The following FRMD4A variants were observed in gnomAD, a reference collection of about 807,000 sequenced individuals.
FRMD4A encodes FERM domain containing 4A.
In FRMD4A, 29 loss-of-function variants were observed where a neutral mutation model predicts 129.1. That is an observed-to-expected ratio of 0.22 (90% CI 0.17 to 0.31). FRMD4A has a LOEUF of 0.31. FRMD4A is among the 10% of genes least tolerant of loss of function. The pLI, the probability that FRMD4A is intolerant of heterozygous loss-of-function variation, is 1.00. For missense variants in FRMD4A, 1,272 were observed against 1,375.8 expected, an observed-to-expected ratio of 0.92 and a Z score of 1.19; for synonymous variants, 634 against 571.6, an observed-to-expected ratio of 1.11 and a Z score of -1.56.
chr10:13,800,711 C>T (rs12259218), intron 4 of FRMD4A, among the ~76,000 whole-genome samples: 15,262 of 152,172 alleles, frequency 0.1, 914 homozygotes, highest in African/African-American at 0.16. Context: ...GGGGACATGT[C>T]GCATGAAGGG....
intron 2 of FRMD4A, among the ~76,000 whole-genome samples, chr10:14,289,806 G>A (rs1177644600): frequency 6.6e-6 from 1 of 151,980 alleles, no homozygotes; most frequent in Non-Finnish European, 1.5e-5. Flanking sequence ...CAGAGAGGAA[G>A]TAGTTAAATT....
rs754944747 is a variant in FRMD4A at position 14,326,990 on chromosome 10, G to A, written c.45+3068C>T. ...TCATATGAGTGGCTCTGTCCTGTGTGGAGAGGCATCACTGCCCTCTGTGAG... is the reference window on the plus strand; with the variant it reads ...TCATATGAGTGGCTCTGTCCTGTGTAGAGAGGCATCACTGCCCTCTGTGAG... On this transcript the variant is annotated intron_variant, in intron 2 of 24. Coordinates refer to ENST00000357447, the MANE Select transcript of FRMD4A (RefSeq NM_018027.5). The A allele has an allele frequency of 1.3e-5, 5 of 398,664 alleles. No individual in the cohort carries two copies. The East Asian group carries it at 1.4e-4, about 11-fold the overall frequency. 24.7% of individuals were successfully genotyped at this position (398,664 alleles called of 1,614,324 possible).
At chr10:13,984,214 C>A (rs193120521) in intron 2 of FRMD4A, among the ~76,000 whole-genome samples, 4 of 152,200 alleles carry the variant, frequency 2.6e-5, no homozygotes, top group African/African-American at 9.6e-5. Context: ...GCCCACATGG[C>A]GGGGTTTTAT....
At chr10:13,849,988 G>A (rs1357585290) in intron 3 of FRMD4A, among the ~76,000 whole-genome samples, 1 of 151,696 alleles carries the variant, frequency 6.6e-6, no homozygotes, top group Non-Finnish European at 1.5e-5. Context: ...GGCCAACATG[G>A]TGAAATCCCG....
At chr10:13,808,506 GC>G (rs2093395025) in intron 4 of FRMD4A, among the ~76,000 whole-genome samples, 1 of 152,216 alleles carries the variant, frequency 6.6e-6, no homozygotes, top group Non-Finnish European at 1.5e-5. Flanking sequence ...TGCAGGGGCA[GC>G]TTTTGTTCTT....
At chr10:14,294,578 G>C (rs1371482012) in intron 2 of FRMD4A, among the ~76,000 whole-genome samples, 1 of 152,188 alleles carries the variant, frequency 6.6e-6, no homozygotes, top group African/African-American at 2.4e-5. Flanking sequence ...GGACAAATCA[G>C]TGAAATGGAA....
intron 2 of FRMD4A, among the ~76,000 whole-genome samples, chr10:14,104,943 T>G (rs890508043): frequency 1.7e-4 from 26 of 152,170 alleles, no homozygotes; most frequent in Admixed American, 3.9e-4. Context: ...TGGGCAGTGT[T>G]TGAGGGATCC....
chr10:13,856,044 AT>A (rs1331361747), intron 3 of FRMD4A, among the ~76,000 whole-genome samples: 19 of 151,726 alleles, frequency 1.3e-4, no homozygotes, highest in Non-Finnish European at 2.8e-4. Context: ...CTATCTATCT[AT>A]CTATCTATCT....
At chr10:14,292,414 C>T (rs1026371928) in intron 2 of FRMD4A, among the ~76,000 whole-genome samples, 4 of 152,200 alleles carry the variant, frequency 2.6e-5, no homozygotes, top group Admixed American at 1.3e-4. Context: ...ATCAATGATG[C>T]AGAGACATCA....
chr10:13,799,830 G>C (rs1278155202), intron 4 of FRMD4A, among the ~76,000 whole-genome samples: 1 of 152,018 alleles, frequency 6.6e-6, no homozygotes, highest in Non-Finnish European at 1.5e-5. Context: ...AGGGCTTCTG[G>C]TGTGTGTCAT....
At chr10:14,015,830 G>A (rs2095697418) in intron 2 of FRMD4A, among the ~76,000 whole-genome samples, 1 of 152,066 alleles carries the variant, frequency 6.6e-6, no homozygotes, top group Non-Finnish European at 1.5e-5. Flanking sequence ...ATATAATTTA[G>A]TTAGTTCTCA....
chr10:13,688,506 G>A (rs559946489), intron 15 of FRMD4A, among the ~76,000 whole-genome samples: 9 of 151,992 alleles, frequency 5.9e-5, no homozygotes, highest in African/African-American at 1.9e-4. Context: ...TAACAAACCT[G>A]CACCTTGTGC....
At chr10:14,159,088 C>T (rs1004528731) in intron 2 of FRMD4A, among the ~76,000 whole-genome samples, 31 of 152,022 alleles carry the variant, frequency 2.0e-4, no homozygotes, top group African/African-American at 6.3e-4. Flanking sequence ...GGGAGCAGCC[C>T]GAGGAGGATT....
At chr10:14,133,659 G>A (rs1294849115) in intron 2 of FRMD4A, among the ~76,000 whole-genome samples, 1 of 152,224 alleles carries the variant, frequency 6.6e-6, no homozygotes, top group Non-Finnish European at 1.5e-5. Flanking sequence ...GAACCATTCT[G>A]TTCCCTGTTC....
In FRMD4A at chr10:14,223,608, G is replaced by A. The variant is rs948242505; in HGVS notation, c.45+106450C>T. On this transcript the variant is annotated intron_variant, in intron 2 of 24. Coordinates refer to ENST00000357447, the MANE Select transcript of FRMD4A (RefSeq NM_018027.5). The stretch of plus-strand genomic sequence containing the variant: ...ATCAAAAAATTAGCCAGGCATGGAG[G>A]CACACAACTGCAGTCCCAGCTGCTC... Among the ~76,000 whole-genome samples, 5 of 152,044 alleles carry A rather than the reference G, an allele frequency of 3.3e-5. No homozygotes were observed. In the South Asian group the frequency reaches 1.0e-3, roughly 32 times the overall value.
intron 3 of FRMD4A, among the ~76,000 whole-genome samples, chr10:13,846,244 A>T (rs1235959417): frequency 6.6e-6 from 1 of 152,246 alleles, no homozygotes; most frequent in Non-Finnish European, 1.5e-5. Context: ...GTTGGTGCCA[A>T]AGTAATTGTG....
chr10:14,029,831 A>G (rs1464841191), intron 2 of FRMD4A, among the ~76,000 whole-genome samples: 1 of 151,170 alleles, frequency 6.6e-6, no homozygotes, highest in East Asian at 1.9e-4. Flanking sequence ...AAAAAACTAC[A>G]TGTTTGTTTT....
At chr10:13,678,548 G>C (rs1049301349) in intron 15 of FRMD4A, among the ~76,000 whole-genome samples, 1 of 152,256 alleles carries the variant, frequency 6.6e-6, no homozygotes, top group Non-Finnish European at 1.5e-5. Context: ...TTTGCACTGG[G>C]CCTGGAATAG....
At chr10:13,943,413 G>T (rs1189431738) in intron 2 of FRMD4A, among the ~76,000 whole-genome samples, 1 of 152,052 alleles carries the variant, frequency 6.6e-6, no homozygotes, top group Non-Finnish European at 1.5e-5. Flanking sequence ...ACTTTGGGAG[G>T]CTGAGGTGGA....
Sources: allele counts gnomAD v4.1 joint callset (sites outside exome capture counted in the v4.1 genomes callset), GRCh38; gene constraint gnomAD v4.1.1; transcripts MANE v1.5; gene names NCBI Gene and HGNC (gene_info 2026-07-23, HGNC 2026-07-21).